The following GALNT10 variants were observed in gnomAD, a reference collection of about 807,000 sequenced individuals.
GALNT10 encodes GalNAc transferase 10.
A neutral mutation model predicts 75.0 loss-of-function variants in GALNT10; 41 were observed. That is an observed-to-expected ratio of 0.55 (90% CI 0.43 to 0.71). The LOEUF is 0.71. Ranked by LOEUF, GALNT10 falls within the 30% of genes least tolerant of loss-of-function variation. The probability of loss-of-function intolerance (pLI) is 0.00; values close to 1 mark genes in which losing one functional copy is unlikely to be tolerated. For missense variants in GALNT10, 727 were observed against 818.5 expected, an observed-to-expected ratio of 0.89 and a Z score of 1.36; for synonymous variants, 302 against 313.0, an observed-to-expected ratio of 0.96 and a Z score of 0.37.
intron 1 of GALNT10, among the ~76,000 whole-genome samples, chr5:154,246,243 A>G (rs1173780231): frequency 2.6e-5 from 4 of 152,052 alleles, no homozygotes; most frequent in African/African-American, 9.7e-5. Flanking sequence ...AGTCTTTGCT[A>G]TTGTGAATAG....
In GALNT10 at chr5:154,417,089, C is replaced by A; in HGVS notation, c.*117C>A. 1 of 887,348 alleles carries A rather than the reference C, an allele frequency of 1.1e-6. No individual in the cohort carries two copies. The highest frequency in any genetic ancestry group is 1.8e-6 in the Non-Finnish European group (1 of 563,650). The allele number at this position is 887,348 out of a possible 1,614,324, so 55.0% of individuals were successfully genotyped here. On this transcript the variant is annotated 3_prime_UTR_variant, in exon 12 of 12. Coordinates refer to ENST00000297107, the MANE Select transcript of GALNT10 (RefSeq NM_198321.4). ...TGTAAAAGGTGCTGGCCAAATGGTT[C>A]AGGGTGAAGAGGGCTCTTGATTCAG...
intron 4 of GALNT10, among the ~76,000 whole-genome samples, chr5:154,348,655 C>T (rs958938321): frequency 6.6e-6 from 1 of 152,142 alleles, no homozygotes; most frequent in Non-Finnish European, 1.5e-5. Context: ...AAATAAATAG[C>T]TTTGTGATCT....
chr5:154,320,275 C>G (rs1437363905), intron 3 of GALNT10, among the ~76,000 whole-genome samples: 1 of 152,152 alleles, frequency 6.6e-6, no homozygotes, highest in Admixed American at 6.5e-5. Flanking sequence ...ATCTTTAATT[C>G]CATGATTGAA....
Position 154,253,897 on chromosome 5 carries a change from G to A in GALNT10, c.160-40919G>A, listed in dbSNP as rs552026402. 1.1e-4 allele frequency among the ~76,000 whole-genome samples: 17 copies of A among 152,046 alleles called. No individual in the cohort carries two copies. The South Asian group carries it at 1.9e-3, about 17-fold the overall frequency. ...TCTACCTCAGTGCAGGTCTTGATCC[G>A]CCCTAGAAGATCAGCTTTAAGAGTT... On this transcript the variant is annotated intron_variant, in intron 1 of 11. Transcript: ENST00000297107.
chr5:154,227,897 C>T (rs1753087819), intron 1 of GALNT10, among the ~76,000 whole-genome samples: 1 of 151,992 alleles, frequency 6.6e-6, no homozygotes, highest in South Asian at 2.1e-4. Context: ...ACTGTAATCC[C>T]CAGTGCTGGA....
intron 7 of GALNT10, chr5:154,387,880 T>C (rs564368014): frequency 6.7e-6 from 1 of 149,220 alleles, no homozygotes; most frequent in East Asian, 2.0e-4. Context: ...AAGCAGTTTA[T>C]ATCCTTTTTT....
At chr5:154,342,878 C>T (rs751943032) in intron 4 of GALNT10, among the ~76,000 whole-genome samples, 1 of 152,168 alleles carries the variant, frequency 6.6e-6, no homozygotes, top group Non-Finnish European at 1.5e-5. Flanking sequence ...CTAATTATAT[C>T]CTTGAGAGGC....
At chr5:154,237,519 A>C (rs531386746) in intron 1 of GALNT10, among the ~76,000 whole-genome samples, 1 of 152,064 alleles carries the variant, frequency 6.6e-6, no homozygotes, top group Non-Finnish European at 1.5e-5. Context: ...GCAAGTCCTG[A>C]CTCGGCTATC....
intron 1 of GALNT10, among the ~76,000 whole-genome samples, chr5:154,237,965 G>T (rs910537820): frequency 6.6e-5 from 10 of 152,094 alleles, no homozygotes; most frequent in African/African-American, 2.4e-4. Flanking sequence ...GCTGCCCTTG[G>T]CCTCCTCTTT....
chr5:154,203,926 C>T (rs1195327920), intron 1 of GALNT10, among the ~76,000 whole-genome samples: 2 of 152,248 alleles, frequency 1.3e-5, no homozygotes, highest in African/African-American at 4.8e-5. Context: ...ACTACTCAAT[C>T]TGTCTTTGTA....
At chr5:154,349,567 C>T (rs1205895458) in intron 4 of GALNT10, 1 of 151,888 alleles carries the variant, frequency 6.6e-6, no homozygotes, top group East Asian at 1.9e-4. Context: ...AATAAGGTGA[C>T]CTCCTAGGAG....
chr5:154,191,790 T>C (rs1469448408), intron 1 of GALNT10, among the ~76,000 whole-genome samples: 1 of 152,256 alleles, frequency 6.6e-6, no homozygotes, highest in Non-Finnish European at 1.5e-5. Context: ...GTCCTGAGGA[T>C]GGAACACCAG....
intron 4 of GALNT10, among the ~76,000 whole-genome samples, chr5:154,373,654 T>TC (rs938813625): frequency 2.0e-5 from 3 of 151,696 alleles, no homozygotes; most frequent in Non-Finnish European, 2.9e-5. Flanking sequence ...TCATTTAAAG[T>TC]CCCCCCCAGC....
chr5:154,192,696 G>A (rs1287451805), intron 1 of GALNT10, among the ~76,000 whole-genome samples: 1 of 152,156 alleles, frequency 6.6e-6, no homozygotes, highest in Non-Finnish European at 1.5e-5. Context: ...GTTCCTTGTA[G>A]CATCCCTAGC....
intron 1 of GALNT10, among the ~76,000 whole-genome samples, chr5:154,260,147 G>A (rs974796118): frequency 1.4e-4 from 22 of 152,132 alleles, no homozygotes; most frequent in African/African-American, 5.1e-4. Context: ...CATAGTCAAA[G>A]TACTATTTCT....
intron 1 of GALNT10, among the ~76,000 whole-genome samples, chr5:154,245,555 A>G (rs1290333191): frequency 6.6e-6 from 1 of 150,550 alleles, no homozygotes; most frequent in Non-Finnish European, 1.5e-5. Context: ...TTTTAATTAT[A>G]TAGTCGTCCT....
At chr5:154,283,814 C>A (rs1754076677) in intron 1 of GALNT10, among the ~76,000 whole-genome samples, 1 of 152,176 alleles carries the variant, frequency 6.6e-6, no homozygotes, top group Non-Finnish European at 1.5e-5. Context: ...TGGAAATCAA[C>A]CAGTGGGTCA....
intron 1 of GALNT10, chr5:154,219,957 A>C (rs1315813515): frequency 6.6e-6 from 1 of 151,938 alleles, no homozygotes; most frequent in Non-Finnish European, 1.5e-5. Context: ...CTTCAAGAAA[A>C]CCATGGTAGG....
intron 1 of GALNT10, among the ~76,000 whole-genome samples, chr5:154,260,441 G>A (rs1366870989): frequency 6.6e-6 from 1 of 152,216 alleles, no homozygotes; most frequent in Non-Finnish European, 1.5e-5. Flanking sequence ...GCCTGGCAAA[G>A]GAGATTATGA....
Sources: allele counts gnomAD v4.1 joint callset (sites outside exome capture counted in the v4.1 genomes callset), GRCh38; gene constraint gnomAD v4.1.1; transcripts MANE v1.5; gene names NCBI Gene and HGNC (gene_info 2026-07-23, HGNC 2026-07-21).